The following SNTG2 variants were observed in gnomAD, a reference collection of about 807,000 sequenced individuals.
SNTG2 encodes the protein syntrophin gamma 2.
A neutral mutation model predicts 70.9 loss-of-function variants in SNTG2; 74 were observed. The ratio of observed to expected loss-of-function variants is 1.04; its 90% confidence interval spans 0.86 to 1.27. The LOEUF is 1.27. SNTG2 is among the 50% of genes most tolerant of loss of function. The pLI is 0.00. For synonymous variants in SNTG2, 278 were observed against 273.8 expected (o/e 1.02, Z -0.15); for missense variants, 717 against 690.7 (o/e 1.04, Z -0.43).
rs185327863 is a variant in SNTG2 at position 1,337,510 on chromosome 2, T to C, written c.1488+21135T>C. On this transcript the variant is annotated intron_variant, in intron 16 of 16. Coordinates refer to ENST00000308624, the MANE Select transcript of SNTG2 (RefSeq NM_018968.4). ...CTTCCCTAAATAAATATTCAGATTT[T>C]TTGCCCATTTTCTTATCAAGTTGTC... Among the ~76,000 whole-genome samples the C allele has an allele frequency of 1.1e-3, 165 of 152,304 alleles. 1 individual carries two copies. Among genetic ancestry groups the C allele is most frequent in the African/African-American group, 3.5e-3 (147 of 41,580 alleles).
Position 1,204,582 on chromosome 2 carries a change from C to T in SNTG2, c.592-4521C>T, listed in dbSNP as rs568988926. 2.0e-5 allele frequency among the ~76,000 whole-genome samples: 3 copies of T among 152,224 alleles called. No individual in the cohort carries two copies. The East Asian group carries it at 5.8e-4, about 29-fold the overall frequency. On this transcript the variant is annotated intron_variant, in intron 8 of 16. Coordinates refer to ENST00000308624, the MANE Select transcript of SNTG2 (RefSeq NM_018968.4). ...GCACATTCTGAGTAGCTGATGAAAC[C>T]TTGTGCACACACTGCTCCATCCCCT... is the stretch of plus-strand genomic sequence containing the variant.
At chr2:1,245,287 A>G (rs141230278) in intron 11 of SNTG2, among the ~76,000 whole-genome samples, 39 of 152,260 alleles carry the variant, frequency 2.6e-4, no homozygotes, top group African/African-American at 8.9e-4. Flanking sequence ...AAAGGAAAAA[A>G]AAAAGAAATA....
chr2:1,121,515 G>A (rs972903104), intron 4 of SNTG2, among the ~76,000 whole-genome samples: 1 of 152,088 alleles, frequency 6.6e-6, no homozygotes, highest in African/African-American at 2.4e-5. Flanking sequence ...CCGTTCTCAC[G>A]CTGCTATAAA....
chr2:1,086,738 A>G (rs559423026), intron 2 of SNTG2, among the ~76,000 whole-genome samples: 1 of 152,216 alleles, frequency 6.6e-6, no homozygotes, highest in Non-Finnish European at 1.5e-5. Context: ...CTGATTCACA[A>G]TATAAAGTAC....
rs1440983801 is a variant in SNTG2 at position 1,325,852 on chromosome 2, G to A, written c.1488+9477G>A. Among the ~76,000 whole-genome samples, 5 of 146,944 alleles carry A rather than the reference G, an allele frequency of 3.4e-5. No homozygotes were observed. In the South Asian group the frequency reaches 1.1e-3, roughly 31 times the overall value. ...TAGGCATATCAGATTTTTTTTTTTT[G>A]AGATGGAGTCTCACTCTGTCACCCA... is the stretch of plus-strand genomic sequence containing the variant. On this transcript the variant is annotated intron_variant, in intron 16 of 16. Coordinates refer to ENST00000308624, the MANE Select transcript of SNTG2 (RefSeq NM_018968.4).
chr2:980,821 G>T (rs189714108), intron 1 of SNTG2, among the ~76,000 whole-genome samples: 4 of 152,230 alleles, frequency 2.6e-5, no homozygotes. Flanking sequence ...AGACATTAAC[G>T]GGTTAGATAA....
chr2:1,262,651 A>G (rs78191831), intron 13 of SNTG2, among the ~76,000 whole-genome samples: 4,583 of 111,878 alleles, frequency 0.041, 235 homozygotes, highest in African/African-American at 0.057. Flanking sequence ...GTCCAGACGT[A>G]GTAACCGGAA....
intron 4 of SNTG2, among the ~76,000 whole-genome samples, chr2:1,124,545 C>A (rs1261074733): frequency 6.6e-6 from 1 of 152,110 alleles, no homozygotes; most frequent in Non-Finnish European, 1.5e-5. Flanking sequence ...ATCCTCCCAC[C>A]TTAGCCTCCC....
chr2:1,081,899 CAGAT>C (rs1283460232), intron 1 of SNTG2, among the ~76,000 whole-genome samples: 1 of 152,236 alleles, frequency 6.6e-6, no homozygotes, highest in Non-Finnish European at 1.5e-5. Flanking sequence ...GGCTGCCAGC[CAGAT>C]AGTCACGTGT....
chr2:1,157,018 G>A (rs575131739), intron 6 of SNTG2, among the ~76,000 whole-genome samples: 2 of 152,258 alleles, frequency 1.3e-5, no homozygotes, highest in South Asian at 4.1e-4. Context: ...GACAGGAAAA[G>A]TCATTTGCTC....
rs112516959 is a variant in SNTG2, at chr2:1,124,460, A to G, written c.326-13162A>G. 1.2e-3 allele frequency among the ~76,000 whole-genome samples: 187 copies of G among 151,942 alleles called. 1 individual carries two copies. Among genetic ancestry groups the G allele is most frequent in the African/African-American group, 3.3e-3 (135 of 41,438 alleles). On this transcript the variant is annotated intron_variant, in intron 4 of 16. Coordinates refer to ENST00000308624, the MANE Select transcript of SNTG2 (RefSeq NM_018968.4). ...CAGGTGCTCGCCACCACGCCCGGCT[A>G]ATTTTTTTTGTATTTTTAGTAGAGA...
intron 1 of SNTG2, among the ~76,000 whole-genome samples, chr2:1,040,379 C>T (rs984681932): frequency 9.2e-5 from 14 of 152,268 alleles, no homozygotes; most frequent in South Asian, 4.1e-4. Context: ...CCTCGGATTC[C>T]GGCTCCCATG....
chr2:1,145,762 A>G (rs1669061984), intron 6 of SNTG2, among the ~76,000 whole-genome samples: 1 of 152,248 alleles, frequency 6.6e-6, no homozygotes, highest in South Asian at 2.1e-4. Flanking sequence ...AAAGAAAATT[A>G]TAGACCAATA....
intron 4 of SNTG2, among the ~76,000 whole-genome samples, chr2:1,134,500 C>G (rs896255056): frequency 6.6e-6 from 1 of 151,244 alleles, no homozygotes; most frequent in Non-Finnish European, 1.5e-5. Flanking sequence ...TACAGAGTGT[C>G]GATTGGTGCA....
At chr2:1,216,188 CTA>C (rs1293181546) in intron 9 of SNTG2, among the ~76,000 whole-genome samples, 1 of 152,164 alleles carries the variant, frequency 6.6e-6, no homozygotes, top group Non-Finnish European at 1.5e-5. Context: ...AAAAATGTTC[CTA>C]TTTCTCCACA....
chr2:961,629 T>G (rs1030125083), intron 1 of SNTG2, among the ~76,000 whole-genome samples: 1 of 152,260 alleles, frequency 6.6e-6, no homozygotes, highest in African/African-American at 2.4e-5. Flanking sequence ...GCTTATGTTG[T>G]GTCTGTTGTT....
intron 12 of SNTG2, among the ~76,000 whole-genome samples, chr2:1,248,855 T>C (rs765681418): frequency 3.1e-4 from 47 of 152,350 alleles, no homozygotes; most frequent in Non-Finnish European, 5.9e-4. Context: ...TGTTTACCAG[T>C]TGGCCTTTTA....
intron 8 of SNTG2, among the ~76,000 whole-genome samples, chr2:1,202,602 A>T (rs1431199547): frequency 1.3e-5 from 2 of 152,190 alleles, no homozygotes; most frequent in Non-Finnish European, 2.9e-5. Context: ...AATGGACTAA[A>T]CATTTTAATT....
At chr2:1,363,129 A>ACGCC (rs1661291024) in intron 16 of SNTG2, among the ~76,000 whole-genome samples, 1 of 140,570 alleles carries the variant, frequency 7.1e-6, no homozygotes, top group Non-Finnish European at 1.5e-5. Flanking sequence ...CACAAAATGG[A>ACGCC]CCCCCCCCAT....
Sources: gnomAD v4.1 joint callset for allele counts (sites outside exome capture counted in the v4.1 genomes callset) on GRCh38, gnomAD v4.1.1 for gene constraint, MANE v1.5 for transcripts, NCBI Gene and HGNC (gene_info 2026-07-23, HGNC 2026-07-21) for gene names.